Variants in LARS1 observed in about 807,000 individuals in gnomAD.
LARS1 encodes leucyl-tRNA synthetase 1.
In LARS1, 100 loss-of-function variants were observed where a neutral mutation model predicts 162.8. That is an observed-to-expected ratio of 0.61 (90% CI 0.52 to 0.73). The LOEUF is 0.73. Ranked by LOEUF, LARS1 falls within the 30% of genes least tolerant of loss-of-function variation. The pLI is 0.00. For synonymous variants in LARS1, 457 were observed against 462.8 expected (o/e 0.99, Z 0.16); for missense variants, 1,258 against 1,408.9 (o/e 0.89, Z 1.71).
chr5:146,149,949 T>C (rs1173702578), intron 14 of LARS1, among the ~76,000 whole-genome samples: 1 of 152,160 alleles, frequency 6.6e-6, no homozygotes, highest in Non-Finnish European at 1.5e-5. Context: ...AGTGTGAGCA[T>C]GATTAGGAAG....
intron 2 of LARS1, among the ~76,000 whole-genome samples, chr5:146,174,737 G>C (rs918698359): frequency 6.6e-6 from 1 of 151,162 alleles, no homozygotes; most frequent in Non-Finnish European, 1.5e-5. Context: ...CTGTGCCTCA[G>C]TTTCCTCAGC....
intron 4 of LARS1, among the ~76,000 whole-genome samples, chr5:146,171,631 CAG>C (rs969101128): frequency 6.6e-6 from 1 of 152,098 alleles, no homozygotes; most frequent in Non-Finnish European, 1.5e-5. Context: ...TTTAGTAAAA[CAG>C]AATCAGTTAT....
Position 146,155,015 on chromosome 5 carries a change from C to T in LARS1, c.1066-1035G>A, listed in dbSNP as rs189599742. Reference sequence around the variant, plus strand: ...TACAGGCATGCACCACCACGCCTGGCTAATTTCTGTATTTTTAGTAGAGAC... The same window carrying T: ...TACAGGCATGCACCACCACGCCTGGTTAATTTCTGTATTTTTAGTAGAGAC... On this transcript the variant is annotated intron_variant, in intron 10 of 31. Transcript: ENST00000394434. 2.4e-4 allele frequency among the ~76,000 whole-genome samples: 36 copies of T among 151,992 alleles called. 1 individual carries two copies. The East Asian group carries it at 6.7e-3, about 28-fold the overall frequency.
chr5:146,144,009 G>GA (rs1297569844), intron 18 of LARS1, among the ~76,000 whole-genome samples: 3 of 151,238 alleles, frequency 2.0e-5, no homozygotes, highest in Admixed American at 6.6e-5. Flanking sequence ...CTCTAAAAAA[G>GA]AAAAAAAAGA....
In LARS1 at chr5:146,157,638, A is replaced by C; in HGVS notation, c.840-10T>G. ...TTTACCTTTCAGGCCACTGAGAAAA[A>C]AAAACAAATATTGATGTAAAAACAT... On this transcript the variant is annotated splice_polypyrimidine_tract_variant and intron_variant, in intron 9 of 31. Transcript: ENST00000394434. 1 of 1,613,832 alleles carries C rather than the reference A, an allele frequency of 6.2e-7. No homozygotes were observed. Among genetic ancestry groups the C allele is most frequent in the South Asian group, 1.1e-5 (1 of 91,072 alleles).
intron 6 of LARS1, among the ~76,000 whole-genome samples, chr5:146,161,567 AAAAC>A (rs1489742342): frequency 1.3e-5 from 2 of 152,112 alleles, no homozygotes; most frequent in Admixed American, 6.5e-5. Flanking sequence ...CGTCTCTACT[AAAAC>A]AAACAAACAA....
At chr5:146,167,574 T>C (rs1038362444) in intron 5 of LARS1, among the ~76,000 whole-genome samples, 2 of 151,984 alleles carry the variant, frequency 1.3e-5, no homozygotes, top group African/African-American at 4.8e-5. Context: ...CGGCTAATTT[T>C]TTGTAGAGAT....
chr5:146,160,349 T>C, intron 7 of LARS1, 25 bp downstream of exon 7: 2 of 1,356,914 alleles, frequency 1.5e-6, no homozygotes, highest in Non-Finnish European at 1.0e-6. Context: ...TTTTGCTTTA[T>C]TATGCTCAAG....
At chr5:146,143,155 A>C in intron 19 of LARS1, 71 bp from the exon 20 acceptor site, 1 of 899,342 alleles carries the variant, frequency 1.1e-6, no homozygotes, top group Non-Finnish European at 1.6e-6. Context: ...TCAGTACCTG[A>C]ATCGAAACAT....
At position 146,114,206 on chromosome 5, in the gene LARS1, T is replaced by A. The variant is rs1291542543; in HGVS notation, c.3431A>T (p.His1144Leu). 6 of 1,613,634 alleles carry A rather than the reference T, an allele frequency of 3.7e-6. No homozygotes were observed. Among genetic ancestry groups the A allele is most frequent in the Non-Finnish European group, 5.1e-6 (6 of 1,179,898 alleles). ...EYTEKTPISE[H>L]AVFNVDLMSK... ...CATGAGGTCCACATTGAAAACAGCATGCTCAGAAATGGGGGTCTTCTCGGT... is the reference window on the plus strand; with the variant it reads ...CATGAGGTCCACATTGAAAACAGCAAGCTCAGAAATGGGGGTCTTCTCGGT... Residue 1144 changes from histidine (H) to leucine (L), a missense_variant, in exon 32 of 32, where the codon CAT becomes CTT. Transcript: ENST00000394434.
At chr5:146,141,777 CAG>C (rs1752788000) in intron 20 of LARS1, among the ~76,000 whole-genome samples, 1 of 151,848 alleles carries the variant, frequency 6.6e-6, no homozygotes, top group Admixed American at 6.6e-5. Flanking sequence ...GCCTGAATGA[CAG>C]AGTGAGACTC....
chr5:146,116,578 T>C (rs1274366513), intron 31 of LARS1, among the ~76,000 whole-genome samples: 3 of 152,258 alleles, frequency 2.0e-5, no homozygotes, highest in African/African-American at 7.2e-5. Context: ...ACTTCTCTTA[T>C]CATTGAAACT....
rs1456791978 is a variant in LARS1 at position 146,120,516 on chromosome 5, C to A, written c.3193-13G>T. ...CGGACACACCAGGCTAGGAAAACAA[C>A]AAGAAAATGATTGTTTAACTTGAAT... On this transcript the variant is annotated splice_polypyrimidine_tract_variant and intron_variant, in intron 30 of 31. Transcript: ENST00000394434. 1 of 1,605,778 alleles carries A rather than the reference C, an allele frequency of 6.2e-7. No homozygotes were observed. The highest frequency in any genetic ancestry group is 8.5e-7 in the Non-Finnish European group (1 of 1,177,142).
At chr5:146,172,657 C>T in intron 3 of LARS1, 30 bp downstream of exon 3, 2 of 1,293,308 alleles carry the variant, frequency 1.5e-6, no homozygotes, top group Non-Finnish European at 2.2e-6. Context: ...AACCTTCCTC[C>T]CCATTATAGC....
intron 29 of LARS1, among the ~76,000 whole-genome samples, chr5:146,123,323 G>T (rs1468973221): frequency 6.6e-6 from 1 of 151,830 alleles, no homozygotes; most frequent in East Asian, 1.9e-4. Flanking sequence ...TCTGAGACCA[G>T]CTTATTTACG....
chr5:146,143,117 A>C, intron 19 of LARS1, 33 bp from the exon 20 acceptor site: 1 of 1,123,060 alleles, frequency 8.9e-7, no homozygotes, highest in East Asian at 2.8e-5. Context: ...TATTTTATAT[A>C]TATATATATG....
intron 14 of LARS1, among the ~76,000 whole-genome samples, chr5:146,150,082 T>A (rs1398289014): frequency 6.6e-6 from 1 of 152,176 alleles, no homozygotes; most frequent in Non-Finnish European, 1.5e-5. Flanking sequence ...AGGCTCCTCT[T>A]TCTAACCCCA....
chr5:146,149,773 C>T (rs1391274305), intron 14 of LARS1, 74 bp from the exon 15 acceptor site: 35 of 1,098,242 alleles, frequency 3.2e-5, no homozygotes, highest in Non-Finnish European at 4.7e-5. Flanking sequence ...TCCTAATTTT[C>T]CCTAACTAAA....
At chr5:146,159,754 G>T (rs1004560167) in intron 7 of LARS1, among the ~76,000 whole-genome samples, 1 of 151,972 alleles carries the variant, frequency 6.6e-6, no homozygotes, top group Non-Finnish European at 1.5e-5. Flanking sequence ...CTTAACAAAT[G>T]AAACTATCAG....
Sources: gnomAD v4.1 joint callset for allele counts (sites outside exome capture counted in the v4.1 genomes callset) on GRCh38, gnomAD v4.1.1 for gene constraint, MANE v1.5 for transcripts, NCBI Gene and HGNC (gene_info 2026-07-23, HGNC 2026-07-21) for gene names.